Variants in NAALADL2 observed in about 807,000 individuals in gnomAD.
NAALADL2 encodes the protein inactive N-acetylated-alpha-linked acidic dipeptidase-like protein 2.
NAALADL2 carries 76 observed loss-of-function variants against 87.2 expected under a neutral mutation model. The ratio of observed to expected loss-of-function variants is 0.87; its 90% CI spans 0.72 to 1.05. The LOEUF is 1.05. Among genes scored for constraint, NAALADL2 ranks in the 50% least tolerant of loss-of-function variants. The pLI, the probability that NAALADL2 is intolerant of heterozygous loss-of-function variation, is 0.00. For synonymous variants in NAALADL2, 354 were observed against 331.0 expected, an observed-to-expected ratio of 1.07 and a Z score of -0.75; for missense variants, 1,089 against 945.8, an observed-to-expected ratio of 1.15 and a Z score of -1.99.
At chr3:175,516,703 C>A (rs568253481) in intron 9 of NAALADL2, among the ~76,000 whole-genome samples, 1 of 151,998 alleles carries the variant, frequency 6.6e-6, no homozygotes, top group Non-Finnish European at 1.5e-5. Flanking sequence ...CTCTAAATTG[C>A]GATCACTTTA....
chr3:175,208,694 TG>T (rs1741324015), intron 2 of NAALADL2, among the ~76,000 whole-genome samples: 1 of 152,120 alleles, frequency 6.6e-6, no homozygotes, highest in Admixed American at 6.6e-5. Flanking sequence ...AAGCATACAC[TG>T]ATCTCCACAT....
At chr3:174,821,467 G>C (rs1417775472) in intron 3 of NAALADL2, among the ~76,000 whole-genome samples, 5 of 152,154 alleles carry the variant, frequency 3.3e-5, no homozygotes, top group Non-Finnish European at 7.4e-5. Flanking sequence ...AAAGAGACTA[G>C]AGGAGTTTTA....
chr3:174,709,662 G>A (rs951972120), intron 2 of NAALADL2, among the ~76,000 whole-genome samples: 3 of 152,100 alleles, frequency 2.0e-5, no homozygotes, highest in Admixed American at 1.3e-4. Flanking sequence ...TTTATAGACT[G>A]GAGACAGATA....
At chr3:175,522,794 A>T (rs189786336) in intron 9 of NAALADL2, among the ~76,000 whole-genome samples, 9 of 152,350 alleles carry the variant, frequency 5.9e-5, no homozygotes, top group South Asian at 4.1e-4. Flanking sequence ...GATTTTGATT[A>T]TGGAAATTAC....
At chr3:174,891,583 G>A (rs76349738) in intron 1 of NAALADL2, among the ~76,000 whole-genome samples, 2,696 of 152,118 alleles carry the variant, frequency 0.018, 78 homozygotes, top group African/African-American at 0.062. Flanking sequence ...AGCTGACACC[G>A]CTTACAGAGG....
intron 1 of NAALADL2, among the ~76,000 whole-genome samples, chr3:174,460,234 G>A (rs936726595): frequency 2.0e-5 from 3 of 148,376 alleles, no homozygotes; most frequent in African/African-American, 7.5e-5. Context: ...GAATGGGAAA[G>A]AATTCAAATA....
intron 11 of NAALADL2, among the ~76,000 whole-genome samples, chr3:175,730,702 C>A (rs2150063162): frequency 6.6e-6 from 1 of 151,746 alleles, no homozygotes; most frequent in Non-Finnish European, 1.5e-5. Context: ...ACTCAGTTTT[C>A]AACACAATGA....
intron 13 of NAALADL2, among the ~76,000 whole-genome samples, chr3:175,782,016 C>G (rs1378135937): frequency 1.3e-5 from 2 of 151,296 alleles, no homozygotes; most frequent in Non-Finnish European, 3.0e-5. Context: ...TCATCCATGT[C>G]CCTACAAAGG....
chr3:175,140,731 G>C (rs1239221090), intron 2 of NAALADL2, among the ~76,000 whole-genome samples: 1 of 152,152 alleles, frequency 6.6e-6, no homozygotes, highest in Non-Finnish European at 1.5e-5. Flanking sequence ...CTACAAAAGG[G>C]AATGCCAGCC....
intron 10 of NAALADL2, among the ~76,000 whole-genome samples, chr3:175,608,313 T>C (rs1435615093): frequency 6.6e-6 from 1 of 150,912 alleles, no homozygotes; most frequent in East Asian, 2.0e-4. Flanking sequence ...ATATTGTTCC[T>C]CTTTTAATCT....
At chr3:174,806,311 A>G (rs1160895648) in intron 3 of NAALADL2, among the ~76,000 whole-genome samples, 1 of 152,198 alleles carries the variant, frequency 6.6e-6, no homozygotes, top group Non-Finnish European at 1.5e-5. Context: ...CCACAGGGAC[A>G]TCTGGAGCTA....
chr3:175,793,190 C>T lies in NAALADL2; in HGVS notation c.2190-9815C>T, dbSNP rs574179216. ...GGAACTTTTCTCCTAAACAATAAAG[C>T]ACACAGTGAGCACTGCATAGAATAT... On this transcript the variant is annotated intron_variant, in intron 13 of 13. Transcript: ENST00000454872. 5.3e-5 allele frequency among the ~76,000 whole-genome samples: 8 copies of T among 152,138 alleles called. No individual in the cohort carries two copies. The South Asian group carries it at 1.0e-3, about 20-fold the overall frequency.
intron 12 of NAALADL2, among the ~76,000 whole-genome samples, chr3:175,739,281 G>A (rs1744934856): frequency 6.6e-6 from 1 of 152,042 alleles, no homozygotes; most frequent in Non-Finnish European, 1.5e-5. Flanking sequence ...ATCCTTTTGT[G>A]GTTCATATTT....
chr3:175,048,514 T>G (rs1362216433), intron 1 of NAALADL2, among the ~76,000 whole-genome samples: 1 of 151,810 alleles, frequency 6.6e-6, no homozygotes, highest in Non-Finnish European at 1.5e-5. Context: ...AACCATTTTT[T>G]TTTTTTTTTT....
chr3:174,860,543 C>T (rs1303068813), intron 1 of NAALADL2, among the ~76,000 whole-genome samples: 1 of 152,002 alleles, frequency 6.6e-6, no homozygotes. Flanking sequence ...TTATTTGTCT[C>T]TAATATTTTT....
At chr3:175,014,123 C>T (rs770504289) in intron 1 of NAALADL2, among the ~76,000 whole-genome samples, 2 of 152,060 alleles carry the variant, frequency 1.3e-5, no homozygotes, top group Non-Finnish European at 2.9e-5. Flanking sequence ...CGTGTAATGG[C>T]GGGTGTCCAT....
At chr3:175,325,166 A>C (rs865778585) in intron 5 of NAALADL2, among the ~76,000 whole-genome samples, 1 of 152,192 alleles carries the variant, frequency 6.6e-6, no homozygotes, top group Middle Eastern at 3.4e-3. Flanking sequence ...TTTTTTCCCC[A>C]AAAAATCGCA....
intron 11 of NAALADL2, among the ~76,000 whole-genome samples, chr3:175,713,627 C>T (rs1297383377): frequency 1.3e-5 from 2 of 152,148 alleles, no homozygotes; most frequent in African/African-American, 2.4e-5. Flanking sequence ...AGTTCCTACA[C>T]AACTTTGACA....
At chr3:175,744,238 G>T (rs1745625092) in intron 12 of NAALADL2, among the ~76,000 whole-genome samples, 1 of 152,206 alleles carries the variant, frequency 6.6e-6, no homozygotes, top group South Asian at 2.1e-4. Context: ...ATTCAATGGA[G>T]ATTTTCACTC....
Sources: allele counts gnomAD v4.1 joint callset (sites outside exome capture counted in the v4.1 genomes callset), GRCh38; gene constraint gnomAD v4.1.1; transcripts MANE v1.5; gene names NCBI Gene and HGNC (gene_info 2026-07-23, HGNC 2026-07-21).